The following HMOX2 variants were observed in gnomAD, a reference collection of about 807,000 sequenced individuals.
The protein encoded by HMOX2 is heme oxygenase 2.
In HMOX2, 30 loss-of-function variants were observed where a neutral mutation model predicts 33.7. The observed-to-expected ratio is 0.89, with a 90% CI of 0.67 to 1.21. HMOX2 has a LOEUF of 1.21. Among genes scored for constraint, HMOX2 ranks in the 50% most tolerant of loss-of-function variants. HMOX2 has a pLI of 0.00. For synonymous variants in HMOX2, 155 were observed against 155.0 expected (o/e 1.00, Z 0.00); for missense variants, 403 against 399.1 (o/e 1.01, Z -0.08).
At chr16:4,504,569 A>G (rs1185461720) in intron 1 of HMOX2, among the ~76,000 whole-genome samples, 1 of 151,300 alleles carries the variant, frequency 6.6e-6, no homozygotes, top group African/African-American at 2.4e-5. Context: ...CATGTTGGTC[A>G]GGCTGGTCTT....
At chr16:4,475,432 T>G (rs1177327506), upstream of HMOX2, among the ~76,000 whole-genome samples, 10 of 151,394 alleles carry the variant, frequency 6.6e-5, no homozygotes, top group Non-Finnish European at 1.3e-4. Flanking sequence ...CTCAGTTTCC[T>G]GAGTAGCTGG....
intron 2 of HMOX2, 46 bp downstream of exon 2, chr16:4,505,656 C>A: frequency 7.5e-7 from 1 of 1,340,836 alleles, no homozygotes; most frequent in Non-Finnish European, 1.0e-6. Flanking sequence ...GGCCCAGCAC[C>A]TGTCGTGCTC....
At position 4,509,781 on chromosome 16, in the gene HMOX2, C is replaced by A. The variant is rs1212603174; in HGVS notation, c.*25C>A. 1 of 1,604,780 alleles carries A rather than the reference C, an allele frequency of 6.2e-7. No homozygotes were observed. Among genetic ancestry groups the A allele is most frequent in the East Asian group, 2.2e-5 (1 of 44,564 alleles). ...AAGCACCCATCATGCCACACCGGTACCCTCCTCCCGACTGACCACTGGCCT... is the reference window on the plus strand; with the variant it reads ...AAGCACCCATCATGCCACACCGGTAACCTCCTCCCGACTGACCACTGGCCT... On this transcript the variant is annotated 3_prime_UTR_variant, in exon 6 of 6. Transcript: ENST00000570646.
chr16:4,488,926 A>G (rs958400534), intron 1 of HMOX2, among the ~76,000 whole-genome samples: 1 of 151,932 alleles, frequency 6.6e-6, no homozygotes, highest in South Asian at 2.1e-4. Context: ...TGTGGGCTCA[A>G]GCAATCCTCC....
chr16:4,507,131 C>T (rs751426892), intron 3 of HMOX2, 119 bp downstream of exon 3: 30 of 719,320 alleles, frequency 4.2e-5, no homozygotes, highest in Non-Finnish European at 6.3e-5. Flanking sequence ...TCTCCACACT[C>T]CATTCCTTCT....
chr16:4,505,616 C>T lies in HMOX2; in HGVS notation c.86+6C>T, dbSNP rs866804387. On this transcript the variant is annotated splice_donor_region_variant and intron_variant, in intron 2 of 5. Coordinates refer to ENST00000570646, the MANE Select transcript of HMOX2 (RefSeq NM_002134.4). ...GAAAAGGAGAACCAAATGAGGTGAG[C>T]GATGGGGGCTGGCTGCACTGAATCA... is the stretch of plus-strand genomic sequence containing the variant. The T allele has an allele frequency of 2.5e-6, 4 of 1,576,674 alleles. No individual in the cohort carries two copies. Among genetic ancestry groups the T allele is most frequent in the Non-Finnish European group, 3.5e-6 (4 of 1,156,242 alleles).
intron 1 of HMOX2, among the ~76,000 whole-genome samples, chr16:4,500,417 G>T (rs1408106127): frequency 6.6e-6 from 1 of 152,122 alleles, no homozygotes; most frequent in Admixed American, 6.5e-5. Context: ...CTCATGCAGT[G>T]TAGTAGCTGG....
chr16:4,482,471 T>C (rs983769754), intron 1 of HMOX2, among the ~76,000 whole-genome samples: 1 of 152,186 alleles, frequency 6.6e-6, no homozygotes, highest in African/African-American at 2.4e-5. Context: ...ACCGGTGCGG[T>C]GTCCTCTAAG....
chr16:4,483,475 T>A lies in HMOX2; in HGVS notation c.-42+6988T>A, dbSNP rs547822050. On this transcript the variant is annotated intron_variant, in intron 1 of 5. Coordinates refer to ENST00000570646, the MANE Select transcript of HMOX2 (RefSeq NM_002134.4). ...AGGGATTTAGGAAATTACAAAAGTT[T>A]TAGGAGCTCTGTGTCAGGAACTGAG... Among the ~76,000 whole-genome samples, 6 of 152,106 alleles carry A rather than the reference T, an allele frequency of 3.9e-5. No homozygotes were observed. In the South Asian group the frequency reaches 1.2e-3, roughly 32 times the overall value.
At chr16:4,504,407 C>T (rs2058637162) in intron 1 of HMOX2, among the ~76,000 whole-genome samples, 1 of 126,494 alleles carries the variant, frequency 7.9e-6, no homozygotes, top group African/African-American at 3.1e-5. Context: ...ATTGCCCAGG[C>T]TGGAGTGCAG....
intron 1 of HMOX2, among the ~76,000 whole-genome samples, chr16:4,497,470 T>C (rs17884812): frequency 0.013 from 1,989 of 152,288 alleles, 42 homozygotes; most frequent in African/African-American, 0.045. Context: ...CTGGGACACA[T>C]TGTCCTCATA....
Position 4,509,703 on chromosome 16 carries a change from C to T in HMOX2, c.898C>T (p.Leu300=), listed in dbSNP as rs1035760250. ...VLRKPSLQFI[L]AAGVALAAGL... ...GAGGAAGCCCAGCCTCCAGTTCATCCTGGCCGCTGGTGTGGCCCTAGCTGC... is the reference window on the plus strand; with the variant it reads ...GAGGAAGCCCAGCCTCCAGTTCATCTTGGCCGCTGGTGTGGCCCTAGCTGC... Residue 300 remains leucine, a synonymous_variant, in exon 6 of 6, where the codon CTG becomes TTG. Coordinates refer to ENST00000570646, the MANE Select transcript of HMOX2 (RefSeq NM_002134.4). The T allele has an allele frequency of 5.0e-6, 8 of 1,613,936 alleles. No homozygotes were observed. The African/African-American group carries it at 9.3e-5, about 19-fold the overall frequency.
chr16:4,484,299 C>T lies in HMOX2; in HGVS notation c.-42+7812C>T, dbSNP rs1306206925. On this transcript the variant is annotated intron_variant, in intron 1 of 5. Coordinates refer to ENST00000570646, the MANE Select transcript of HMOX2 (RefSeq NM_002134.4). ...TCATATGCCCAAATTTTAAAGGAGG[C>T]ACCACATTCAAGTCCAAATGCCTAA... Among the ~76,000 whole-genome samples, 2 of 151,876 alleles carry T rather than the reference C, an allele frequency of 1.3e-5. 1 individual carries two copies. The highest frequency in any genetic ancestry group is 2.9e-5 in the Non-Finnish European group (2 of 67,978).
In HMOX2 at chr16:4,487,641, A is replaced by G. The variant is rs186608085; in HGVS notation, c.-42+11154A>G. Among the ~76,000 whole-genome samples the G allele has an allele frequency of 1.6e-4, 25 of 152,278 alleles. 1 individual carries two copies. Among genetic ancestry groups the G allele is most frequent in the African/African-American group, 5.8e-4 (24 of 41,574 alleles). ...TGGCGAAACCCCGTCTCCACTAAAAATACAAAAAATTAGCTGGGCGTGGTG... is the reference window on the plus strand; with the variant it reads ...TGGCGAAACCCCGTCTCCACTAAAAGTACAAAAAATTAGCTGGGCGTGGTG... On this transcript the variant is annotated intron_variant, in intron 1 of 5. Transcript: ENST00000570646.
chr16:4,486,316 A>C (rs1344160096), intron 1 of HMOX2, among the ~76,000 whole-genome samples: 1 of 152,228 alleles, frequency 6.6e-6, no homozygotes, highest in African/African-American at 2.4e-5. Context: ...ACTTGTCCAA[A>C]GGACAGCGTG....
At chr16:4,485,223 C>A (rs2058137554) in intron 1 of HMOX2, among the ~76,000 whole-genome samples, 1 of 152,150 alleles carries the variant, frequency 6.6e-6, no homozygotes, top group Non-Finnish European at 1.5e-5. Context: ...ACCTCCACGT[C>A]CCAAAGTGCT....
At chr16:4,482,606 G>C (rs1024842795) in intron 1 of HMOX2, among the ~76,000 whole-genome samples, 2 of 152,136 alleles carry the variant, frequency 1.3e-5, no homozygotes, top group South Asian at 2.1e-4. Context: ...CTATACTTCT[G>C]ACCTACTAGC....
chr16:4,490,824 C>G (rs1436346220), intron 1 of HMOX2, among the ~76,000 whole-genome samples: 2 of 152,198 alleles, frequency 1.3e-5, no homozygotes, highest in Non-Finnish European at 2.9e-5. Flanking sequence ...CTCATGTCCT[C>G]TTTTGAATGC....
rs17137089 is a variant in HMOX2, at chr16:4,501,405, T to G, written c.-41-4079T>G. Reference sequence around the variant, plus strand: ...CAACTTGCCCCGGCTGTGCCAGGATTCCATTGTTGACTGTTGTTTGAGCAG... The same window carrying G: ...CAACTTGCCCCGGCTGTGCCAGGATGCCATTGTTGACTGTTGTTTGAGCAG... On this transcript the variant is annotated intron_variant, in intron 1 of 5. Transcript: ENST00000570646. 5.0e-3 allele frequency among the ~76,000 whole-genome samples: 764 copies of G among 152,330 alleles called. 8 individuals are homozygous for G. The highest frequency in any genetic ancestry group is 0.017 in the African/African-American group (711 of 41,578).
Sources: gnomAD v4.1 joint callset for allele counts (sites outside exome capture counted in the v4.1 genomes callset) on GRCh38, gnomAD v4.1.1 for gene constraint, MANE v1.5 for transcripts, NCBI Gene and HGNC (gene_info 2026-07-23, HGNC 2026-07-21) for gene names.